The following CDH4 variants were observed in gnomAD, a reference collection of about 807,000 sequenced individuals.
CDH4 encodes the protein cadherin 4, also known as cadherin-4.
A neutral mutation model predicts 86.0 loss-of-function variants in CDH4; 33 were observed. That is an observed-to-expected ratio of 0.38 (90% confidence interval 0.29 to 0.51). CDH4 has a LOEUF of 0.51. Ranked by LOEUF, CDH4 falls within the 20% of genes least tolerant of loss-of-function variation. The probability of loss-of-function intolerance (pLI) is 0.86; values close to 1 mark genes in which losing one functional copy is unlikely to be tolerated. For missense variants in CDH4, 1,114 were observed against 1,307.4 expected (o/e 0.85, Z 2.28); for synonymous variants, 555 against 549.4 (o/e 1.01, Z -0.14).
intron 2 of CDH4, among the ~76,000 whole-genome samples, chr20:61,431,135 A>G (rs893087036): frequency 1.3e-5 from 2 of 152,102 alleles, no homozygotes; most frequent in Non-Finnish European, 2.9e-5. Context: ...AGGAATTCCC[A>G]CTCCAGGGGA....
chr20:61,596,872 C>T (rs563036325), intron 2 of CDH4, among the ~76,000 whole-genome samples: 14 of 152,262 alleles, frequency 9.2e-5, no homozygotes, highest in East Asian at 5.8e-4. Flanking sequence ...GCCTGTGACC[C>T]GCCCACCTTT....
chr20:61,295,446 T>A (rs1273261101), intron 2 of CDH4, among the ~76,000 whole-genome samples: 3 of 152,224 alleles, frequency 2.0e-5, no homozygotes, highest in Non-Finnish European at 2.9e-5. Flanking sequence ...CTGGCATGGC[T>A]GTGATGCTGA....
At chr20:61,302,834 G>T (rs924370214) in intron 2 of CDH4, among the ~76,000 whole-genome samples, 9 of 152,220 alleles carry the variant, frequency 5.9e-5, no homozygotes, top group African/African-American at 2.2e-4. Context: ...AGGTTATCCT[G>T]GTTGGTGCCA....
chr20:61,690,089 TGACA>T (rs2087636761), intron 2 of CDH4, among the ~76,000 whole-genome samples: 1 of 142,704 alleles, frequency 7.0e-6, no homozygotes, highest in African/African-American at 2.8e-5. Context: ...ATGTGGATTC[TGACA>T]GGGACAGTGG....
intron 2 of CDH4, among the ~76,000 whole-genome samples, chr20:61,458,789 C>T (rs1291492078): frequency 6.6e-6 from 1 of 151,634 alleles, no homozygotes; most frequent in Admixed American, 6.6e-5. Flanking sequence ...AGTGATGGGA[C>T]AGTAGTGGTG....
intron 2 of CDH4, among the ~76,000 whole-genome samples, chr20:61,439,949 G>T (rs1398120876): frequency 6.6e-6 from 1 of 152,248 alleles, no homozygotes; most frequent in East Asian, 1.9e-4. Context: ...ATGCCTCACT[G>T]CTCATCACTG....
chr20:61,347,739 CTTCT>C (rs1008535489), intron 2 of CDH4, among the ~76,000 whole-genome samples: 3 of 152,198 alleles, frequency 2.0e-5, no homozygotes, highest in African/African-American at 7.2e-5. Context: ...GCCAACTCGC[CTTCT>C]TTGTCTCATA....
intron 2 of CDH4, among the ~76,000 whole-genome samples, chr20:61,266,339 T>C (rs1236843094): frequency 6.6e-6 from 1 of 152,054 alleles, no homozygotes; most frequent in Non-Finnish European, 1.5e-5. Flanking sequence ...TAGCTCTCTT[T>C]GTCTCTGGAG....
intron 2 of CDH4, among the ~76,000 whole-genome samples, chr20:61,358,692 C>T (rs191742649): frequency 5.9e-5 from 9 of 152,316 alleles, no homozygotes; most frequent in East Asian, 1.9e-4. Flanking sequence ...ATTTGTCTTG[C>T]GAACACATTT....
chr20:61,550,483 C>A (rs567555826), intron 2 of CDH4, among the ~76,000 whole-genome samples: 124 of 152,340 alleles, frequency 8.1e-4, no homozygotes, highest in African/African-American at 2.5e-3. Context: ...CACAGGAAAT[C>A]TCTTCCCTCT....
intron 2 of CDH4, among the ~76,000 whole-genome samples, chr20:61,255,770 A>T (rs758421956): frequency 7.9e-4 from 121 of 152,308 alleles, no homozygotes; most frequent in Middle Eastern, 3.4e-3. Flanking sequence ...TCCCTCCAGA[A>T]CTGACAGCGG....
chr20:61,328,512 A>G (rs2084549702), intron 2 of CDH4, among the ~76,000 whole-genome samples: 1 of 152,232 alleles, frequency 6.6e-6, no homozygotes, highest in African/African-American at 2.4e-5. Flanking sequence ...TGCCAGGTGC[A>G]GTGGCTCACA....
rs1375422480 is a variant in CDH4 at position 61,854,957 on chromosome 20, G to A, written c.877+2059G>A. On this transcript the variant is annotated intron_variant, in intron 6 of 15. Transcript: ENST00000614565. Reference sequence around the variant, plus strand: ...GTGCAGTGTGAACAGGGTGAATTGCGCCTTTGGCCCACCCCCAGGGGTGCA... The same window carrying A: ...GTGCAGTGTGAACAGGGTGAATTGCACCTTTGGCCCACCCCCAGGGGTGCA... Among the ~76,000 whole-genome samples, 40 of 134,494 alleles carry A rather than the reference G, an allele frequency of 3.0e-4. 1 individual carries two copies. Among genetic ancestry groups the A allele is most frequent in the Non-Finnish European group, 4.9e-4 (31 of 62,924 alleles). 88.2% of individuals were successfully genotyped at this position (134,494 alleles called of 152,430 possible).
intron 2 of CDH4, among the ~76,000 whole-genome samples, chr20:61,343,364 G>T (rs538224334): frequency 6.6e-6 from 1 of 152,334 alleles, no homozygotes; most frequent in South Asian, 2.1e-4. Flanking sequence ...TTATATCAAG[G>T]GATTGGCTGG....
Position 61,747,951 on chromosome 20 carries a change from A to T in CDH4, c.396+4162A>T, listed in dbSNP as rs562334269. ...ATGCAGGAGAAATATTTAAAAAAAA[A>T]AACAGCACCTGGATGCTTTATAGTA... On this transcript the variant is annotated intron_variant, in intron 3 of 15. Coordinates refer to ENST00000614565, the MANE Select transcript of CDH4 (RefSeq NM_001794.5). Among the ~76,000 whole-genome samples, 510 of 152,278 alleles carry T rather than the reference A, an allele frequency of 3.3e-3. 5 individuals carry two copies. Among genetic ancestry groups the T allele is most frequent in the African/African-American group, 0.012 (491 of 41,554 alleles).
Position 61,710,732 on chromosome 20 carries a change from A to G in CDH4, c.170-32831A>G, listed in dbSNP as rs560904214. ...TTCTCAGTGCTGCAGAGACAAGGTG[A>G]GCTGATGCTGTTCCAGGCTAAAGAG... On this transcript the variant is annotated intron_variant, in intron 2 of 15. Coordinates refer to ENST00000614565, the MANE Select transcript of CDH4 (RefSeq NM_001794.5). 2.6e-5 allele frequency among the ~76,000 whole-genome samples: 4 copies of G among 152,282 alleles called. No individual in the cohort carries two copies. The South Asian group carries it at 8.3e-4, about 32-fold the overall frequency.
chr20:61,556,989 A>G (rs1324958251), intron 2 of CDH4, among the ~76,000 whole-genome samples: 1 of 152,164 alleles, frequency 6.6e-6, no homozygotes, highest in Admixed American at 6.5e-5. Flanking sequence ...TCGAAAGAAA[A>G]GCTTCTCTCT....
At chr20:61,803,133 C>T (rs1979924520) in intron 4 of CDH4, among the ~76,000 whole-genome samples, 1 of 152,228 alleles carries the variant, frequency 6.6e-6, no homozygotes, top group African/African-American at 2.4e-5. Flanking sequence ...AGTCGCAGCT[C>T]CGTCGTTGAC....
intron 2 of CDH4, among the ~76,000 whole-genome samples, chr20:61,625,416 A>G (rs1262088234): frequency 6.6e-6 from 1 of 151,982 alleles, no homozygotes; most frequent in Non-Finnish European, 1.5e-5. Flanking sequence ...ATGGATTTGG[A>G]TGTGAGGCGT....
Sources: allele counts gnomAD v4.1 joint callset (sites outside exome capture counted in the v4.1 genomes callset), GRCh38; gene constraint gnomAD v4.1.1; transcripts MANE v1.5; gene names NCBI Gene and HGNC (gene_info 2026-07-23, HGNC 2026-07-21).